KANSL3: variants seen among roughly 807,000 people sequenced by gnomAD.
KANSL3 encodes the protein NSL complex protein NSL3.
KANSL3 carries 16 observed loss-of-function variants against 89.2 expected under a neutral mutation model. The observed-to-expected ratio is 0.18, with a 90% CI of 0.12 to 0.27. The LOEUF is 0.27. Ranked by LOEUF, KANSL3 falls within the 10% of genes least tolerant of loss-of-function variation. The pLI, the probability that KANSL3 is intolerant of heterozygous loss-of-function variation, is 1.00. For synonymous variants in KANSL3, 385 were observed against 419.7 expected, an observed-to-expected ratio of 0.92 and a Z score of 1.01; for missense variants, 879 against 1,110.6, an observed-to-expected ratio of 0.79 and a Z score of 2.96.
chr2:96,626,938 C>T (rs551424409), intron 3 of KANSL3, among the ~76,000 whole-genome samples: 1 of 152,162 alleles, frequency 6.6e-6, no homozygotes, highest in African/African-American at 2.4e-5. Flanking sequence ...ATGGATAATA[C>T]CTAATGAATA....
chr2:96,602,320 GCAA>G lies in KANSL3; in HGVS notation c.2275_2277del (p.Leu759del), dbSNP rs770393652. The G allele has an allele frequency of 5.6e-6, 9 of 1,609,534 alleles. No homozygotes were observed. The highest frequency in any genetic ancestry group is 6.8e-6 in the Non-Finnish European group (8 of 1,178,348). On this transcript the variant is annotated inframe_deletion, in exon 19 of 21. Coordinates refer to ENST00000431828, the MANE Select transcript of KANSL3 (RefSeq NM_001115016.3). ...GCACCCAGGCTCTGCATGGGGGTGGGCAACTTCACACTGGTGGCCTGTGGGACA... is the reference window on the plus strand; with the variant it reads ...GCACCCAGGCTCTGCATGGGGGTGGGCTTCACACTGGTGGCCTGTGGGACA...
At chr2:96,609,375 T>C in intron 12 of KANSL3, 124 bp downstream of exon 12, 1 of 815,620 alleles carries the variant, frequency 1.2e-6, no homozygotes, top group Non-Finnish European at 2.1e-6. Context: ...TGCTTATGAC[T>C]GAGACCTACC....
intron 14 of KANSL3, among the ~76,000 whole-genome samples, chr2:96,608,153 C>T (rs1414666957): frequency 2.0e-5 from 3 of 152,128 alleles, no homozygotes; most frequent in African/African-American, 7.2e-5. Context: ...AGGTGAGTTA[C>T]CCTAGAATCT....
chr2:96,592,652 C>T (rs905931983), downstream of KANSL3, among the ~76,000 whole-genome samples: 1 of 152,218 alleles, frequency 6.6e-6, no homozygotes, highest in African/African-American at 2.4e-5. Context: ...GGTTCCAGTA[C>T]TGCTTCTGCC....
chr2:96,582,508 C>T, the KANSL3 span, among the ~76,000 whole-genome samples: 24 of 152,276 alleles, frequency 1.6e-4, no homozygotes, highest in Middle Eastern at 6.8e-3. Context: ...GACAGAATTT[C>T]CATTTGGCTT....
intron 20 of KANSL3, among the ~76,000 whole-genome samples, chr2:96,597,530 AC>A (rs1448913635): frequency 6.6e-6 from 1 of 152,248 alleles, no homozygotes; most frequent in African/African-American, 2.4e-5. Context: ...TAATCTAATA[AC>A]ATCCCCTTGC....
chr2:96,620,595 C>G (rs2071077189), intron 3 of KANSL3, among the ~76,000 whole-genome samples: 1 of 152,162 alleles, frequency 6.6e-6, no homozygotes, highest in Non-Finnish European at 1.5e-5. Flanking sequence ...TCCCAGCAAT[C>G]TTAATTACTC....
chr2:96,620,760 T>C (rs552018810), intron 3 of KANSL3, among the ~76,000 whole-genome samples: 81 of 152,294 alleles, frequency 5.3e-4, no homozygotes, highest in African/African-American at 1.9e-3. Flanking sequence ...CCCAGCACTT[T>C]GGGAGGCCAA....
intron 20 of KANSL3, among the ~76,000 whole-genome samples, chr2:96,598,343 G>C (rs1269787119): frequency 6.6e-6 from 1 of 152,146 alleles, no homozygotes; most frequent in Non-Finnish European, 1.5e-5. Context: ...ACAGAAGTAG[G>C]GGGTGGAGGG....
intron 20 of KANSL3, among the ~76,000 whole-genome samples, chr2:96,596,577 T>G (rs2066558023): frequency 6.6e-6 from 1 of 152,134 alleles, no homozygotes; most frequent in Admixed American, 6.5e-5. Flanking sequence ...GAGGCTGAGG[T>G]GGGAAGACTG....
rs752522623 is a variant in KANSL3 at position 96,601,656 on chromosome 2, G to T, written c.2603C>A (p.Pro868His). ...PSEESSSQVL[P>H]SSSQRLPPAP Reference sequence around the variant, plus strand: ...TGGCAGACTCACCTGTGAGCTGGAGGGCAGCACCTGGGAAGAGGACTCCTC... The same window carrying T: ...TGGCAGACTCACCTGTGAGCTGGAGTGCAGCACCTGGGAAGAGGACTCCTC... The change falls in exon 20 of 21, where the codon CCC (proline) becomes CAC (histidine). Residue 868 changes from proline to histidine, a missense_variant. By Grantham distance (77) the Pro-to-His change is moderately conservative (BLOSUM62 -2). This residue lies in a region of KANSL3 where 61 missense variants were observed against 61.7 expected (regional missense o/e 0.99). Coordinates refer to ENST00000431828, the MANE Select transcript of KANSL3 (RefSeq NM_001115016.3). The T allele has an allele frequency of 2.5e-5, 40 of 1,613,320 alleles. No homozygotes were observed. Among genetic ancestry groups the T allele is most frequent in the Non-Finnish European group, 3.4e-5 (40 of 1,179,684 alleles).
In KANSL3 at chr2:96,610,712, G is replaced by A. The variant is rs2068782135; in HGVS notation, c.1319+14C>T. ...TAACACAGCTCTCTTGCAGCTCTGG[G>A]AGAATCCACCCACCTGAGATTGTCA... On this transcript the variant is annotated intron_variant, in intron 11 of 20. Transcript: ENST00000431828. The A allele has an allele frequency of 1.2e-6, 2 of 1,613,160 alleles. No individual in the cohort carries two copies. The highest frequency in any genetic ancestry group is 1.7e-6 in the Non-Finnish European group (2 of 1,179,656).
chr2:96,582,796 T>A, the KANSL3 span, among the ~76,000 whole-genome samples: 2 of 152,258 alleles, frequency 1.3e-5, no homozygotes, highest in Non-Finnish European at 2.9e-5. Flanking sequence ...TACTGATTAT[T>A]CATGCTAATA....
At position 96,595,339 on chromosome 2, in the gene KANSL3, G is replaced by C. The variant is rs1274937912; in HGVS notation, c.*272C>G. ...AACCACAGCTTAAGCGGGGGAAGAAGTGGTTCTGATCCATGTACAGCCAGA... is the reference window on the plus strand; with the variant it reads ...AACCACAGCTTAAGCGGGGGAAGAACTGGTTCTGATCCATGTACAGCCAGA... On this transcript the variant is annotated 3_prime_UTR_variant, in exon 21 of 21. Transcript: ENST00000431828. 1 of 424,948 alleles carries C rather than the reference G, an allele frequency of 2.4e-6. No individual in the cohort carries two copies. The highest frequency in any genetic ancestry group is 3.9e-5 in the East Asian group (1 of 25,912). 26.3% of individuals were successfully genotyped at this position (424,948 alleles called of 1,614,324 possible).
At chr2:96,618,343 C>A (rs2070614535) in intron 5 of KANSL3, among the ~76,000 whole-genome samples, 1 of 152,138 alleles carries the variant, frequency 6.6e-6, no homozygotes. Flanking sequence ...ACGTGTGCCA[C>A]CATGCCTGGC....
chr2:96,602,759 G>GGCTGGTCCAGGT lies in KANSL3; in HGVS notation c.2252_2253insACCTGGACCAGC (p.Gly749_Pro752dup). On this transcript the variant is annotated inframe_insertion, in exon 18 of 21. Coordinates refer to ENST00000431828, the MANE Select transcript of KANSL3 (RefSeq NM_001115016.3). Reference sequence around the variant, plus strand: ...GCAGATGGCAGATGTGCACCTGTGGGGCTGGTCCTGGGGAGGGATTTGCTG... The same window carrying GGCTGGTCCAGGT: ...GCAGATGGCAGATGTGCACCTGTGGGGCTGGTCCAGGTGCTGGTCCTGGGGAGGGATTTGCTG... 1 of 1,596,284 alleles carries GGCTGGTCCAGGT rather than the reference G, an allele frequency of 6.3e-7. No individual in the cohort carries two copies. The highest frequency in any genetic ancestry group is 8.5e-7 in the Non-Finnish European group (1 of 1,171,426).
chr2:96,602,141 C>A lies in KANSL3; in HGVS notation c.2457G>T (p.Leu819=), dbSNP rs1202787209. The A allele has an allele frequency of 6.3e-7, 1 of 1,588,320 alleles. No individual in the cohort carries two copies. Among genetic ancestry groups the A allele is most frequent in the African/African-American group, 1.3e-5 (1 of 74,360 alleles). ...LAKLASSLPG[L]AQISNQASGL... ...CTGATGCTTGGTTAGAGATCTGAGCCAGGCCAGGGAGGCTGCTTGCCAACT... is the reference window on the plus strand; with the variant it reads ...CTGATGCTTGGTTAGAGATCTGAGCAAGGCCAGGGAGGCTGCTTGCCAACT... The change falls in exon 19 of 21, where the codon CTG becomes CTT. Residue 819 remains leucine (L), a synonymous_variant. Transcript: ENST00000431828.
chr2:96,599,718 C>A (rs955762991), intron 20 of KANSL3: 2 of 608,204 alleles, frequency 3.3e-6, no homozygotes, highest in African/African-American at 4.0e-5. Flanking sequence ...TATACAAAGC[C>A]ACTATAATTC....
At chr2:96,626,649 G>A (rs72809811) in intron 3 of KANSL3, among the ~76,000 whole-genome samples, 4,097 of 152,228 alleles carry the variant, frequency 0.027, 92 homozygotes, top group Middle Eastern at 0.061. Context: ...TTTATTAAAT[G>A]TCTTTCAAAA....
Sources: allele counts gnomAD v4.1 joint callset (sites outside exome capture counted in the v4.1 genomes callset), GRCh38; gene constraint gnomAD v4.1.1; regional missense constraint gnomAD v4.1.1; transcripts MANE v1.5; gene names NCBI Gene and HGNC (gene_info 2026-07-23, HGNC 2026-07-21).